The following CPED1 variants were observed in gnomAD, a reference collection of about 807,000 sequenced individuals.
CPED1 encodes the protein cadherin-like and PC-esterase domain-containing protein 1.
In CPED1, 114 loss-of-function variants were observed where a neutral mutation model predicts 128.2. That is an observed-to-expected ratio of 0.89 (90% CI 0.76 to 1.04). The LOEUF is 1.04. Among genes scored for constraint, CPED1 ranks in the 50% least tolerant of loss-of-function variants. CPED1 has a pLI of 0.00. For synonymous variants in CPED1, 462 were observed against 426.7 expected, an observed-to-expected ratio of 1.08 and a Z score of -1.02; for missense variants, 1,211 against 1,207.1, an observed-to-expected ratio of 1.00 and a Z score of -0.05.
At chr7:121,177,426 G>A (rs763884120) in intron 16 of CPED1, among the ~76,000 whole-genome samples, 2 of 151,922 alleles carry the variant, frequency 1.3e-5, no homozygotes, top group Non-Finnish European at 2.9e-5. Context: ...TTTTGTACAA[G>A]TTCCTGATGT....
At chr7:121,200,259 T>C (rs1797365523) in intron 16 of CPED1, among the ~76,000 whole-genome samples, 1 of 152,120 alleles carries the variant, frequency 6.6e-6, no homozygotes, top group Non-Finnish European at 1.5e-5. Flanking sequence ...AAAAGTGGTG[T>C]GCAAGGATAT....
At chr7:121,260,708 A>T (rs1791996344) in intron 18 of CPED1, among the ~76,000 whole-genome samples, 1 of 76,306 alleles carries the variant, frequency 1.3e-5, no homozygotes, top group Admixed American at 1.2e-4. Flanking sequence ...ATTCATGGAC[A>T]ATTAGCTCTT....
At chr7:121,202,542 T>A (rs1190728057) in intron 16 of CPED1, among the ~76,000 whole-genome samples, 2 of 152,010 alleles carry the variant, frequency 1.3e-5, no homozygotes, top group African/African-American at 2.4e-5. Context: ...AAGAAAAAAA[T>A]TACTTTTCTA....
chr7:121,189,333 AAC>A (rs1249969669), intron 16 of CPED1, among the ~76,000 whole-genome samples: 1 of 152,184 alleles, frequency 6.6e-6, no homozygotes, highest in Non-Finnish European at 1.5e-5. Context: ...CTGTACAGGA[AAC>A]ACGGCTGGAA....
intron 18 of CPED1, among the ~76,000 whole-genome samples, chr7:121,250,324 G>T (rs1331520630): frequency 6.6e-6 from 1 of 151,824 alleles, no homozygotes; most frequent in Non-Finnish European, 1.5e-5. Context: ...TCAAAGCAGT[G>T]TGTAGAGGGA....
chr7:121,087,717 G>A (rs373539372), intron 5 of CPED1, among the ~76,000 whole-genome samples: 1 of 138,930 alleles, frequency 7.2e-6, no homozygotes, highest in Non-Finnish European at 1.5e-5. Flanking sequence ...CTGGAATGCA[G>A]TGGCATGATC....
chr7:121,084,697 C>T (rs1388441833), intron 5 of CPED1, among the ~76,000 whole-genome samples: 1 of 152,174 alleles, frequency 6.6e-6, no homozygotes, highest in Non-Finnish European at 1.5e-5. Flanking sequence ...ATATGCAAAA[C>T]CACATCAAGC....
At chr7:121,080,462 A>AG (rs113805233) in intron 5 of CPED1, among the ~76,000 whole-genome samples, 14,251 of 152,114 alleles carry the variant, frequency 0.094, 744 homozygotes, top group Middle Eastern at 0.15. Flanking sequence ...GCTTCAAAAT[A>AG]ATGAGAATTT....
intron 4 of CPED1, among the ~76,000 whole-genome samples, chr7:121,047,813 C>G (rs1793254387): frequency 6.6e-6 from 1 of 151,436 alleles, no homozygotes; most frequent in African/African-American, 2.4e-5. Context: ...TGGGTTCACG[C>G]CATTCTCCTG....
At chr7:121,221,902 A>G (rs1177441269) in intron 16 of CPED1, among the ~76,000 whole-genome samples, 2 of 152,140 alleles carry the variant, frequency 1.3e-5, no homozygotes, top group Non-Finnish European at 2.9e-5. Flanking sequence ...CCCATTCTGT[A>G]GATTGCCTGT....
chr7:121,120,258 T>C (rs1198229068), intron 7 of CPED1, among the ~76,000 whole-genome samples: 1 of 152,214 alleles, frequency 6.6e-6, no homozygotes, highest in African/African-American at 2.4e-5. Flanking sequence ...ATGTTACTTT[T>C]CCACCATCAA....
chr7:121,226,044 T>C (rs1798001853), intron 16 of CPED1, among the ~76,000 whole-genome samples: 2 of 152,144 alleles, frequency 1.3e-5, no homozygotes, highest in South Asian at 4.1e-4. Context: ...TGTGATCCTT[T>C]GGAGGAGAAG....
chr7:121,098,773 TATATATAAAA>T lies in CPED1; in HGVS notation c.749+960_749+969del, dbSNP rs1417661946. Among the ~76,000 whole-genome samples, 135 of 119,090 alleles carry T rather than the reference TATATATAAAA, an allele frequency of 1.1e-3. 3 individuals are homozygous for T. Among genetic ancestry groups the T allele is most frequent in the Admixed American group, 9.1e-3 (104 of 11,480 alleles). 78.1% of individuals were successfully genotyped at this position (119,090 alleles called of 152,430 possible). On this transcript the variant is annotated intron_variant, in intron 6 of 22. Transcript: ENST00000310396. ...ATATATAAAAATATATATAAATATA[TATATATAAAA>T]ATATATAAAAATATATATAAATATA...
intron 3 of CPED1, among the ~76,000 whole-genome samples, chr7:121,030,761 A>T (rs1283060999): frequency 6.6e-6 from 1 of 152,242 alleles, no homozygotes; most frequent in Non-Finnish European, 1.5e-5. Flanking sequence ...GGAAAAAAAT[A>T]GTATTTTATA....
chr7:121,004,863 G>C (rs139071396), intron 2 of CPED1, among the ~76,000 whole-genome samples: 2 of 152,122 alleles, frequency 1.3e-5, no homozygotes, highest in African/African-American at 4.8e-5. Flanking sequence ...GTCATATGTA[G>C]TTGTACAATT....
Position 121,167,892 on chromosome 7 carries a change from C to T in CPED1, c.2055+25751C>T, listed in dbSNP as rs577468751. 1.3e-4 allele frequency among the ~76,000 whole-genome samples: 20 copies of T among 151,958 alleles called. No homozygotes were observed. In the South Asian group the frequency reaches 1.7e-3, roughly 13 times the overall value. Reference sequence around the variant, plus strand: ...GACTACAGGCGCCTGCCACCATGCCCGGCTAATTTTTTTTGTATTTTTAGT... The same window carrying T: ...GACTACAGGCGCCTGCCACCATGCCTGGCTAATTTTTTTTGTATTTTTAGT... On this transcript the variant is annotated intron_variant, in intron 16 of 22. Coordinates refer to ENST00000310396, the MANE Select transcript of CPED1 (RefSeq NM_024913.5).
At chr7:121,049,537 C>T (rs920414539) in intron 4 of CPED1, among the ~76,000 whole-genome samples, 6 of 152,220 alleles carry the variant, frequency 3.9e-5, no homozygotes, top group Non-Finnish European at 2.9e-5. Flanking sequence ...AAACGTCAGC[C>T]TCCTGGGGGA....
At chr7:121,273,200 G>A (rs1403175320) in intron 22 of CPED1, among the ~76,000 whole-genome samples, 1 of 151,816 alleles carries the variant, frequency 6.6e-6, no homozygotes, top group Non-Finnish European at 1.5e-5. Flanking sequence ...TTCTGATTCT[G>A]TTTTTCAGCC....
At chr7:121,265,827 TTC>T (rs66878874) in intron 18 of CPED1, among the ~76,000 whole-genome samples, 7,482 of 152,106 alleles carry the variant, frequency 0.049, 590 homozygotes, top group African/African-American at 0.17. Context: ...CCTCTGTGAA[TTC>T]TCTGTTTGCA....
Sources: gnomAD v4.1 joint callset for allele counts (sites outside exome capture counted in the v4.1 genomes callset) on GRCh38, gnomAD v4.1.1 for gene constraint, MANE v1.5 for transcripts, NCBI Gene and HGNC (gene_info 2026-07-23, HGNC 2026-07-21) for gene names.